CDON: variants seen among roughly 807,000 people sequenced by gnomAD.
CDON encodes the protein cell adhesion associated, oncogene regulated.
In CDON, 73 loss-of-function variants were observed where a neutral mutation model predicts 120.9. The ratio of observed to expected loss-of-function variants is 0.60; its 90% confidence interval spans 0.50 to 0.73. CDON has a LOEUF of 0.73. Among genes scored for constraint, CDON ranks in the 30% least tolerant of loss-of-function variants. The probability of loss-of-function intolerance (pLI) is 0.00; values close to 1 mark genes in which losing one functional copy is unlikely to be tolerated. For synonymous variants in CDON, 566 were observed against 573.5 expected, an observed-to-expected ratio of 0.99 and a Z score of 0.19; for missense variants, 1,470 against 1,587.3, an observed-to-expected ratio of 0.93 and a Z score of 1.26.
intron 2 of CDON, among the ~76,000 whole-genome samples, chr11:126,022,732 AAATTT>A (rs1947676960): frequency 6.6e-6 from 1 of 152,220 alleles, no homozygotes; most frequent in African/African-American, 2.4e-5. Flanking sequence ...TCCCCTTATT[AAATTT>A]AATACAGCTA....
At chr11:125,964,387 G>C (rs1354078434) in intron 18 of CDON, among the ~76,000 whole-genome samples, 1 of 152,116 alleles carries the variant, frequency 6.6e-6, no homozygotes, top group Non-Finnish European at 1.5e-5. Context: ...GAGCAGAGAG[G>C]GCTTTTACAA....
rs572374594 is a variant in CDON at position 126,060,676 on chromosome 11, G to A, written c.-62+1903C>T. On this transcript the variant is annotated intron_variant, in intron 1 of 19. Coordinates refer to ENST00000531738, the MANE Select transcript of CDON (RefSeq NM_001378964.1). ...GGCGAAGTGGGAAAATAAGAAGCAAGCCCAAGAAATAGTCAACAAATTTTT... is the reference window on the plus strand; with the variant it reads ...GGCGAAGTGGGAAAATAAGAAGCAAACCCAAGAAATAGTCAACAAATTTTT... Among the ~76,000 whole-genome samples, 17 of 152,248 alleles carry A rather than the reference G, an allele frequency of 1.1e-4. No homozygotes were observed. The East Asian group carries it at 2.7e-3, about 24-fold the overall frequency.
chr11:126,035,611 C>T (rs955372539), intron 1 of CDON, among the ~76,000 whole-genome samples: 1 of 152,094 alleles, frequency 6.6e-6, no homozygotes, highest in Non-Finnish European at 1.5e-5. Context: ...AAGTCAATCA[C>T]AGATTACTAT....
At position 126,015,643 on chromosome 11, in the gene CDON, G is replaced by C. The variant is rs111461603; in HGVS notation, c.929-133C>G. The C allele has an allele frequency of 8.5e-5, 78 of 914,852 alleles. No individual in the cohort carries two copies. In the African/African-American group the frequency reaches 1.2e-3, roughly 14 times the overall value. The allele number at this position is 914,852 out of a possible 1,614,324, so 56.7% of individuals were successfully genotyped here. On this transcript the variant is annotated intron_variant, in intron 6 of 19. Coordinates refer to ENST00000531738, the MANE Select transcript of CDON (RefSeq NM_001378964.1). ...TTGCATTGTTTATTCACATTCTTCT[G>C]TCTGCTGTGGTAATCAAGAAAAAAA...
intron 1 of CDON, among the ~76,000 whole-genome samples, chr11:126,048,702 TA>T (rs113333883): frequency 0.17 from 26,372 of 151,896 alleles, 2,605 homozygotes; most frequent in African/African-American, 0.25. Context: ...ACAATTTAGT[TA>T]TTTTTTTTTT....
At chr11:126,062,428 C>A (rs1309399988) in intron 1 of CDON, among the ~76,000 whole-genome samples, 151 bp downstream of exon 1, 1 of 151,884 alleles carries the variant, frequency 6.6e-6, no homozygotes, top group African/African-American at 2.4e-5. Flanking sequence ...GCATCCAGAC[C>A]CCGCACGCAG....
intron 16 of CDON, among the ~76,000 whole-genome samples, chr11:125,982,954 C>T (rs1001798729): frequency 2.0e-4 from 30 of 152,204 alleles, no homozygotes; most frequent in African/African-American, 6.5e-4. Context: ...CCATCCATTT[C>T]AGCCTGATGC....
At chr11:126,028,536 T>C (rs928334994) in intron 1 of CDON, among the ~76,000 whole-genome samples, 2 of 151,968 alleles carry the variant, frequency 1.3e-5, no homozygotes, top group Non-Finnish European at 2.9e-5. Flanking sequence ...TTAATTTTTG[T>C]ATTTTTAGTA....
At chr11:125,974,912 T>C (rs566501057) in intron 18 of CDON, among the ~76,000 whole-genome samples, 13 of 151,750 alleles carry the variant, frequency 8.6e-5, no homozygotes, top group African/African-American at 3.1e-4. Flanking sequence ...TCTTCTGTTT[T>C]TCTAGATCCC....
Position 126,002,376 on chromosome 11 carries a change from T to C in CDON, c.2027-526A>G, listed in dbSNP as rs1418669833. Among the ~76,000 whole-genome samples the C allele has an allele frequency of 2.0e-5, 3 of 152,312 alleles. No individual in the cohort carries two copies. In the East Asian group the frequency reaches 5.8e-4, roughly 29 times the overall value. ...ATTATGAAAATGAACTCAAGATACA[T>C]TTAAGATAGAAAGTACTCGTTATTT... On this transcript the variant is annotated intron_variant, in intron 10 of 19. Coordinates refer to ENST00000531738, the MANE Select transcript of CDON (RefSeq NM_001378964.1).
At position 125,970,215 on chromosome 11, in the gene CDON, G is replaced by A. The variant is rs560490010; in HGVS notation, c.3356+8089C>T. ...TTTTGAGACAGAGTCTTGCTCTGTC[G>A]CCAGGCTGGAGTGCAGTGGCGCGAT... On this transcript the variant is annotated intron_variant, in intron 18 of 19. Coordinates refer to ENST00000531738, the MANE Select transcript of CDON (RefSeq NM_001378964.1). 2.4e-4 allele frequency among the ~76,000 whole-genome samples: 33 copies of A among 135,868 alleles called. No individual in the cohort carries two copies. The South Asian group carries it at 6.0e-3, about 25-fold the overall frequency. 89.1% of individuals were successfully genotyped at this position (135,868 alleles called of 152,430 possible).
At chr11:126,024,168 G>A (rs1947719235) in intron 1 of CDON, among the ~76,000 whole-genome samples, 1 of 152,224 alleles carries the variant, frequency 6.6e-6, no homozygotes, top group Admixed American at 6.5e-5. Context: ...AAGCCAGAGA[G>A]GCAGGCTGGA....
rs1948029022 is a variant in CDON, at chr11:126,034,174, C to T, written c.-61-10637G>A. Among the ~76,000 whole-genome samples, 1 of 152,088 alleles carries T rather than the reference C, an allele frequency of 6.6e-6. No individual in the cohort carries two copies. The highest frequency in any genetic ancestry group is 2.4e-5 in the African/African-American group (1 of 41,412). On this transcript the variant is annotated intron_variant, in intron 1 of 19. Transcript: ENST00000531738. The surrounding 1 kb of genome is among the most constrained non-coding windows in gnomAD (Gnocchi z 4.5). ...CCTACAGACTTCGCAACCCTTCCCC[C>T]ACTTCTCCCAAGTCTCAGTCGAGTC...
chr11:125,970,558 G>T (rs1362880496), intron 18 of CDON, among the ~76,000 whole-genome samples: 4 of 152,138 alleles, frequency 2.6e-5, no homozygotes, highest in Non-Finnish European at 4.4e-5. Context: ...ATTTTCGGGA[G>T]CTTATCAGTT....
intron 8 of CDON, among the ~76,000 whole-genome samples, chr11:126,006,576 G>A (rs1947137647): frequency 6.6e-6 from 1 of 152,170 alleles, no homozygotes; most frequent in Admixed American, 6.5e-5. Context: ...GCTGAGGTGG[G>A]AGGATCACCT....
At chr11:126,045,343 A>T (rs997808946) in intron 1 of CDON, among the ~76,000 whole-genome samples, 2 of 152,214 alleles carry the variant, frequency 1.3e-5, no homozygotes, top group Non-Finnish European at 2.9e-5. Flanking sequence ...TAAAATGTTT[A>T]AAGCACTTAA....
At chr11:126,006,806 A>T (rs1159917147) in intron 8 of CDON, among the ~76,000 whole-genome samples, 1 of 152,130 alleles carries the variant, frequency 6.6e-6, no homozygotes, top group Admixed American at 6.5e-5. Flanking sequence ...GAAAAAAAAA[A>T]TAGGTTGCAT....
At chr11:126,028,094 T>G (rs1188177248) in intron 1 of CDON, among the ~76,000 whole-genome samples, 3 of 152,094 alleles carry the variant, frequency 2.0e-5, no homozygotes, top group Non-Finnish European at 4.4e-5. Flanking sequence ...TCGCATATTT[T>G]ATATGTCGGT....
intron 11 of CDON, among the ~76,000 whole-genome samples, chr11:125,999,819 T>C (rs191283873): frequency 6.6e-6 from 1 of 152,294 alleles, no homozygotes; most frequent in East Asian, 1.9e-4. Context: ...GGGTTCACTA[T>C]AGCTTTCAAG....
Sources: allele counts gnomAD v4.1 joint callset (sites outside exome capture counted in the v4.1 genomes callset), GRCh38; gene constraint gnomAD v4.1.1; non-coding constraint Gnocchi (gnomAD v3.1); transcripts MANE v1.5; gene names NCBI Gene and HGNC (gene_info 2026-07-23, HGNC 2026-07-21).